The following HCN4 variants were observed in gnomAD, a reference collection of about 807,000 sequenced individuals.
The protein encoded by HCN4 is potassium/sodium hyperpolarization-activated cyclic nucleotide-gated channel 4.
HCN4 carries 29 observed loss-of-function variants against 76.9 expected under a neutral mutation model. The observed-to-expected ratio is 0.38, with a 90% CI of 0.28 to 0.51. The LOEUF (loss-of-function observed/expected upper bound fraction) is 0.51. HCN4 is among the 20% of genes least tolerant of loss of function. The pLI, the probability that HCN4 is intolerant of heterozygous loss-of-function variation, is 0.90. For synonymous variants in HCN4, 772 were observed against 762.5 expected, an observed-to-expected ratio of 1.01 and a Z score of -0.21; for missense variants, 1,416 against 1,715.2, an observed-to-expected ratio of 0.83 and a Z score of 3.08.
intron 1 of HCN4, among the ~76,000 whole-genome samples, chr15:73,346,614 C>T (rs189719388): frequency 1.3e-5 from 2 of 152,250 alleles, no homozygotes; most frequent in African/African-American, 2.4e-5. Flanking sequence ...GATGCCCTCA[C>T]CTCCAGAGAC....
chr15:73,330,146 A>AC (rs985431338), intron 3 of HCN4, among the ~76,000 whole-genome samples: 1 of 150,948 alleles, frequency 6.6e-6, no homozygotes, highest in African/African-American at 2.4e-5. Flanking sequence ...AAACAGCTCC[A>AC]CCCCCCAACC....
chr15:73,323,661 C>T lies in HCN4; in HGVS notation c.2432G>A (p.Gly811Glu), dbSNP rs776656247. The change falls in exon 8 of 8, where the codon GGA becomes GAA. Residue 811 changes from glycine (G) to glutamate (E), a missense_variant. Transcript: ENST00000261917. Reference protein sequence around the residue: ...LPAAIFRPPPGSGLGNLGAGQ... With the variant: ...LPAAIFRPPPESGLGNLGAGQ... Reference sequence around the variant, plus strand: ...GGCACCGAGGTTGCCCAGCCCAGATCCTGGGGGAGGGCGGAAGATGGCAGC... The same window carrying T: ...GGCACCGAGGTTGCCCAGCCCAGATTCTGGGGGAGGGCGGAAGATGGCAGC... 10 of 1,594,244 alleles carry T rather than the reference C, an allele frequency of 6.3e-6. No individual in the cohort carries two copies. In the East Asian group the frequency reaches 2.2e-4, roughly 36 times the overall value.
chr15:73,323,445 G>T lies in HCN4; in HGVS notation c.2648C>A (p.Pro883His). Reference protein sequence around the residue: ...PLLPSSSSSPPPGACGSPSAP... With the variant: ...PLLPSSSSSPHPGACGSPSAP... ...CGAGGGGGAGCCACAGGCCCCGGGG[G>T]GTGGGGAGGAGCTGGATGAGGGCAG... is the stretch of plus-strand genomic sequence containing the variant. Residue 883 changes from proline to histidine, a missense_variant, in exon 8 of 8, where the codon CCC becomes CAC. Physicochemically the swap from Pro to His is moderately conservative, Grantham distance 77. This residue lies in a region of HCN4 where 633 missense variants were observed against 579.8 expected (regional missense o/e 1.09). Coordinates refer to ENST00000261917, the MANE Select transcript of HCN4 (RefSeq NM_005477.3). The T allele has an allele frequency of 6.2e-7, 1 of 1,609,494 alleles. No individual in the cohort carries two copies. The highest frequency in any genetic ancestry group is 8.5e-7 in the Non-Finnish European group (1 of 1,179,178).
rs1230507068 is a variant in HCN4 at position 73,323,376 on chromosome 15, C to G, written c.2717G>C (p.Gly906Ala). 2.5e-6 allele frequency: 4 copies of G among 1,584,408 alleles called. No individual in the cohort carries two copies. The highest frequency in any genetic ancestry group is 3.4e-6 in the Non-Finnish European group (4 of 1,165,754). ...CAGCGCCTTGTGGAAGTGGCCAAAC[C>G]CGGCTATGGTGGTGGCGGCTACGCC... ...SAGVAATTIAGFGHFHKALGG... is the reference protein window; with the variant it reads ...SAGVAATTIAAFGHFHKALGG... Residue 906 changes from glycine (G) to alanine (A), a missense_variant, in exon 8 of 8, where the codon GGG becomes GCG. This residue lies in a region of HCN4 where 633 missense variants were observed against 579.8 expected (regional missense o/e 1.09). Coordinates refer to ENST00000261917, the MANE Select transcript of HCN4 (RefSeq NM_005477.3).
In HCN4 at chr15:73,325,121, C is replaced by T. The variant is rs1057523478; in HGVS notation, c.1812G>A (p.Val604=). The T allele has an allele frequency of 6.2e-7, 1 of 1,614,230 alleles. No individual in the cohort carries two copies. Residue 604 remains valine, a synonymous_variant, in exon 6 of 8, where the codon GTG becomes GTA. Transcript: ENST00000261917. This position sits in a 1 kb window ranked among gnomAD's most constrained non-coding sequence, Gnocchi z 7.4. ...AACGCAGCTTGGTCAGCATGGACGT[C>T]ACGAAGTTGGGGTCCGCATTGGCAA... The part of the protein sequence containing the change: ...PLFANADPNF[V]TSMLTKLRFE...
chr15:73,339,243 T>G (rs1166442503), intron 2 of HCN4, among the ~76,000 whole-genome samples: 8 of 152,316 alleles, frequency 5.3e-5, no homozygotes, highest in Middle Eastern at 3.4e-3. Flanking sequence ...GGAGGGAGTC[T>G]GCTGACCCAG....
At position 73,343,403 on chromosome 15, in the gene HCN4, A is replaced by G. The variant is rs142643511; in HGVS notation, c.1191T>C (p.Tyr397=). The G allele has an allele frequency of 5.3e-5, 85 of 1,613,988 alleles. No individual in the cohort carries two copies. Among genetic ancestry groups the G allele is most frequent in the Non-Finnish European group, 7.1e-5 (84 of 1,180,008 alleles). Residue 397 remains tyrosine, a synonymous_variant, in exon 2 of 8, where the codon TAT becomes TAC. Transcript: ENST00000261917. The surrounding 1 kb of genome is among the most constrained non-coding windows in gnomAD (Gnocchi z 5.7). ...RLLRLSRLIR[Y]IHQWEEIFHM... is the part of the protein sequence containing the mutation. ...CACTTACCTCTTCCCACTGGTGAAT[A>G]TATCGAATGAGGCGGGAGAGGCGTA...
chr15:73,350,465 CT>C (rs927768563), intron 1 of HCN4, among the ~76,000 whole-genome samples: 10 of 152,206 alleles, frequency 6.6e-5, no homozygotes, highest in African/African-American at 2.4e-4. Flanking sequence ...TCTCTGTCCC[CT>C]GATCCTTCCA....
chr15:73,349,201 C>T (rs973901536), intron 1 of HCN4, among the ~76,000 whole-genome samples: 10 of 152,276 alleles, frequency 6.6e-5, no homozygotes, highest in Non-Finnish European at 1.3e-4. Context: ...TTATCTTTCC[C>T]ATTCCCTTGG....
rs766096127 is a variant in HCN4 at position 73,323,656 on chromosome 15, C to T, written c.2437G>A (p.Gly813Arg). Residue 813 changes from glycine to arginine, a missense_variant, in exon 8 of 8, where the codon GGG becomes AGG. By Grantham distance (125) the Gly-to-Arg change is moderately radical. Transcript: ENST00000261917. Reference sequence around the variant, plus strand: ...TGCCCGGCACCGAGGTTGCCCAGCCCAGATCCTGGGGGAGGGCGGAAGATG... The same window carrying T: ...TGCCCGGCACCGAGGTTGCCCAGCCTAGATCCTGGGGGAGGGCGGAAGATG... Reference protein sequence around the residue: ...AAIFRPPPGSGLGNLGAGQTP... With the variant: ...AAIFRPPPGSRLGNLGAGQTP... 1.5e-5 allele frequency: 24 copies of T among 1,595,188 alleles called. No homozygotes were observed. Among genetic ancestry groups the T allele is most frequent in the Non-Finnish European group, 2.0e-5 (23 of 1,172,624 alleles).
intron 1 of HCN4, among the ~76,000 whole-genome samples, chr15:73,352,463 G>C (rs1221959602): frequency 6.6e-6 from 1 of 152,214 alleles, no homozygotes; most frequent in African/African-American, 2.4e-5. Flanking sequence ...AAAAGTGACA[G>C]AAAAAGAGCG....
At chr15:73,333,430 T>C (rs1328687162) in intron 2 of HCN4, among the ~76,000 whole-genome samples, 1 of 152,160 alleles carries the variant, frequency 6.6e-6, no homozygotes, top group East Asian at 1.9e-4. Flanking sequence ...TTTAAGCCCA[T>C]TTCAGATGTG....
At chr15:73,340,824 G>A (rs978598104) in intron 2 of HCN4, among the ~76,000 whole-genome samples, 1 of 152,246 alleles carries the variant, frequency 6.6e-6, no homozygotes, top group South Asian at 2.1e-4. Flanking sequence ...AGGGGCCCCA[G>A]CCATGAAAGG....
intron 4 of HCN4, 108 bp downstream of exon 4, chr15:73,329,465 C>G: frequency 1.0e-6 from 1 of 993,502 alleles, no homozygotes; most frequent in South Asian, 1.4e-5. Context: ...GAGTTCCGAT[C>G]CTGTGGGGTG....
chr15:73,354,715 A>C (rs1294518330), intron 1 of HCN4, among the ~76,000 whole-genome samples: 3 of 152,242 alleles, frequency 2.0e-5, no homozygotes, highest in Admixed American at 6.5e-5. Flanking sequence ...GATAATATTT[A>C]CAATATGCTA....
chr15:73,345,438 T>C (rs929136347), intron 1 of HCN4, among the ~76,000 whole-genome samples: 1 of 152,154 alleles, frequency 6.6e-6, no homozygotes, highest in African/African-American at 2.4e-5. Flanking sequence ...CCACCACTCC[T>C]TCCTGTGGCC....
intron 3 of HCN4, 116 bp from the exon 4 acceptor site, chr15:73,329,907 G>T: frequency 1.2e-6 from 1 of 838,830 alleles, no homozygotes; most frequent in Non-Finnish European, 1.9e-6. Context: ...GCTGGGCCCA[G>T]GGCTCCCTAA....
At position 73,367,660 on chromosome 15, in the gene HCN4, G is replaced by A; in HGVS notation, c.611C>T (p.Ala204Val). 4 of 1,608,230 alleles carry A rather than the reference G, an allele frequency of 2.5e-6. No individual in the cohort carries two copies. The highest frequency in any genetic ancestry group is 2.5e-6 in the Non-Finnish European group (3 of 1,179,808). The change falls in exon 1 of 8, where the codon GCC (alanine) becomes GTC (valine). Residue 204 changes from alanine to valine, a missense_variant. This residue lies in a region of HCN4 where 355 missense variants were observed against 347.8 expected (regional missense o/e 1.02). Transcript: ENST00000261917. The surrounding 1 kb of genome is among the most constrained non-coding windows in gnomAD (Gnocchi z 7.5). ...GCCGGCCTGGCCCAGGCGCACCTCG[G>A]CCTCCGGGAGGATCTGGTCGCCGGC... ...AAAGDQILPE[A>V]EVRLGQAGFM...
At chr15:73,337,488 T>G (rs894623235) in intron 2 of HCN4, among the ~76,000 whole-genome samples, 5 of 152,200 alleles carry the variant, frequency 3.3e-5, no homozygotes, top group Non-Finnish European at 7.4e-5. Context: ...TTTGGACAGA[T>G]CACGCTGGGC....
Sources: allele counts gnomAD v4.1 joint callset (sites outside exome capture counted in the v4.1 genomes callset), GRCh38; gene constraint gnomAD v4.1.1; regional missense constraint gnomAD v4.1.1; non-coding constraint Gnocchi (gnomAD v3.1); transcripts MANE v1.5; gene names NCBI Gene and HGNC (gene_info 2026-07-23, HGNC 2026-07-21).